Variants in HHAT observed in about 807,000 individuals in gnomAD.
HHAT encodes protein-cysteine N-palmitoyltransferase HHAT.
A neutral mutation model predicts 70.8 loss-of-function variants in HHAT; 47 were observed. That is an observed-to-expected ratio of 0.66 (90% CI 0.53 to 0.85). The LOEUF (loss-of-function observed/expected upper bound fraction) is 0.85. HHAT is among the 40% of genes least tolerant of loss of function. The pLI is 0.00. For missense variants in HHAT, 609 were observed against 604.8 expected (o/e 1.01, Z -0.07); for synonymous variants, 228 against 247.6 (o/e 0.92, Z 0.74).
Position 210,623,622 on chromosome 1 carries a change from G to T in HHAT, c.1342G>T (p.Gly448Trp). Residue 448 changes from glycine (G) to tryptophan (W), a missense_variant, in exon 11 of 12, where the codon GGG becomes TGG. Transcript: ENST00000261458. ...MLILSNLVFL[G>W]GNEVGKTYWN... The stretch of plus-strand genomic sequence containing the variant: ...GATCCTGTCCAACCTGGTATTTCTT[G>T]GGGGCAATGAGGTTGGGAAAACCTA... 6.2e-7 allele frequency: 1 copy of T among 1,613,978 alleles called. No individual in the cohort carries two copies. The highest frequency in any genetic ancestry group is 8.5e-7 in the Non-Finnish European group (1 of 1,179,946).
intron 9 of HHAT, among the ~76,000 whole-genome samples, chr1:210,516,161 C>T (rs1041045263): frequency 1.3e-5 from 2 of 152,100 alleles, no homozygotes; most frequent in African/African-American, 4.8e-5. Context: ...GACTGGACAC[C>T]TTAGTAAGAA....
At chr1:210,366,838 G>C (rs187322859) in intron 3 of HHAT, among the ~76,000 whole-genome samples, 1 of 152,010 alleles carries the variant, frequency 6.6e-6, no homozygotes, top group Non-Finnish European at 1.5e-5. Context: ...TTCCCTGTCC[G>C]GCCCTTACTC....
intron 7 of HHAT, among the ~76,000 whole-genome samples, chr1:210,447,349 T>G (rs1409064653): frequency 6.6e-6 from 1 of 152,174 alleles, no homozygotes; most frequent in African/African-American, 2.4e-5. Context: ...ATAGGGTGCT[T>G]CCAAAGCTTG....
At chr1:210,494,161 G>A (rs1558019661) in intron 8 of HHAT, among the ~76,000 whole-genome samples, 1 of 152,186 alleles carries the variant, frequency 6.6e-6, no homozygotes, top group Non-Finnish European at 1.5e-5. Flanking sequence ...GCAGTGCTTT[G>A]TAGTCCATAG....
At chr1:210,450,985 G>T (rs970662876) in intron 7 of HHAT, among the ~76,000 whole-genome samples, 3 of 151,778 alleles carry the variant, frequency 2.0e-5, no homozygotes, top group Non-Finnish European at 4.4e-5. Flanking sequence ...TACTTGGGAG[G>T]CTGAGGCAGG....
intron 9 of HHAT, among the ~76,000 whole-genome samples, chr1:210,565,309 C>A (rs1479345789): frequency 6.6e-6 from 1 of 152,204 alleles, no homozygotes; most frequent in Non-Finnish European, 1.5e-5. Flanking sequence ...TGAGTTAAGT[C>A]TGCCCTGAAA....
chr1:210,596,870 T>C (rs1309433254), intron 10 of HHAT, among the ~76,000 whole-genome samples: 1 of 152,202 alleles, frequency 6.6e-6, no homozygotes, highest in African/African-American at 2.4e-5. Flanking sequence ...ATGGTTGTCA[T>C]GCTTGTGGAT....
At chr1:210,663,727 C>T (rs535080471) in intron 11 of HHAT, among the ~76,000 whole-genome samples, 2 of 152,344 alleles carry the variant, frequency 1.3e-5, no homozygotes, top group South Asian at 4.1e-4. Context: ...GCATCCACAT[C>T]ACCTGGAACT....
At chr1:210,450,977 C>A (rs1354189483) in intron 7 of HHAT, among the ~76,000 whole-genome samples, 2 of 150,814 alleles carry the variant, frequency 1.3e-5, no homozygotes, top group Non-Finnish European at 2.9e-5. Context: ...GTCCCAGCTA[C>A]TTGGGAGGCT....
intron 9 of HHAT, among the ~76,000 whole-genome samples, chr1:210,558,204 G>C (rs937906552): frequency 2.6e-5 from 4 of 152,164 alleles, no homozygotes; most frequent in East Asian, 1.9e-4. Flanking sequence ...CCCAGCAATT[G>C]GTGGGTGGAT....
At chr1:210,622,949 C>T (rs954770519) in intron 10 of HHAT, among the ~76,000 whole-genome samples, 2 of 152,236 alleles carry the variant, frequency 1.3e-5, no homozygotes, top group Non-Finnish European at 2.9e-5. Context: ...TAAATCCTAA[C>T]TGGCTTCAGT....
intron 8 of HHAT, among the ~76,000 whole-genome samples, chr1:210,484,378 T>G (rs182219614): frequency 6.6e-6 from 1 of 152,316 alleles, no homozygotes; most frequent in African/African-American, 2.4e-5. Context: ...TGTTATATCC[T>G]TGTCAGGGTA....
intron 6 of HHAT, among the ~76,000 whole-genome samples, chr1:210,411,590 A>G (rs2092556212): frequency 7.3e-6 from 1 of 137,732 alleles, no homozygotes; most frequent in South Asian, 2.7e-4. Flanking sequence ...TCAGCTCTAC[A>G]AAAAATAAAA....
At chr1:210,399,416 G>A (rs1003245159) in intron 4 of HHAT, among the ~76,000 whole-genome samples, 1 of 152,004 alleles carries the variant, frequency 6.6e-6, no homozygotes, top group Non-Finnish European at 1.5e-5. Context: ...ACCATACCTG[G>A]CTAATTTTTG....
At chr1:210,532,747 G>T (rs912260960) in intron 9 of HHAT, among the ~76,000 whole-genome samples, 1 of 151,796 alleles carries the variant, frequency 6.6e-6, no homozygotes, top group Admixed American at 6.6e-5. Flanking sequence ...AACTACCTGA[G>T]TTTTCTGTGG....
chr1:210,441,227 A>G (rs1345450406), intron 7 of HHAT, among the ~76,000 whole-genome samples: 3 of 152,238 alleles, frequency 2.0e-5, no homozygotes, highest in African/African-American at 7.2e-5. Flanking sequence ...ACTGTGGTCA[A>G]GTTTCACAAA....
intron 7 of HHAT, among the ~76,000 whole-genome samples, chr1:210,435,143 C>T (rs1294401071): frequency 6.6e-6 from 1 of 151,798 alleles, no homozygotes; most frequent in Non-Finnish European, 1.5e-5. Flanking sequence ...TTTCCCTTCC[C>T]AGCCTCTGGT....
chr1:210,531,484 A>G (rs979541615), intron 9 of HHAT, among the ~76,000 whole-genome samples: 1 of 152,230 alleles, frequency 6.6e-6, no homozygotes, highest in African/African-American at 2.4e-5. Context: ...TACAGGCTGC[A>G]GAGAGGTGGA....
At chr1:210,550,261 T>C (rs1425182444) in intron 9 of HHAT, among the ~76,000 whole-genome samples, 1 of 149,290 alleles carries the variant, frequency 6.7e-6, no homozygotes, top group Non-Finnish European at 1.5e-5. Context: ...CCTTTGTAAA[T>C]GCCTTGGGTA....
Sources: allele counts gnomAD v4.1 joint callset (sites outside exome capture counted in the v4.1 genomes callset), GRCh38; gene constraint gnomAD v4.1.1; transcripts MANE v1.5; gene names NCBI Gene and HGNC (gene_info 2026-07-23, HGNC 2026-07-21).